The following RETREG1 variants were observed in gnomAD, a reference collection of about 807,000 sequenced individuals.
RETREG1 encodes family with sequence similarity 134 member B.
Under a neutral mutation model 54.8 loss-of-function variants are expected in RETREG1, and 44 were observed. The ratio of observed to expected loss-of-function variants is 0.80; its 90% CI spans 0.63 to 1.03. The LOEUF (loss-of-function observed/expected upper bound fraction) is 1.03. RETREG1 is among the 50% of genes least tolerant of loss of function. The pLI is 0.00. For synonymous variants in RETREG1, 217 were observed against 238.5 expected, an observed-to-expected ratio of 0.91 and a Z score of 0.83; for missense variants, 554 against 605.1, an observed-to-expected ratio of 0.92 and a Z score of 0.89.
intron 1 of RETREG1, among the ~76,000 whole-genome samples, chr5:16,607,759 T>A (rs1743235413): frequency 6.6e-6 from 1 of 152,154 alleles, no homozygotes; most frequent in Non-Finnish European, 1.5e-5. Flanking sequence ...CATGGTCCAA[T>A]AGTAACCTCT....
chr5:16,491,445 A>G (rs1318792877), intron 3 of RETREG1, among the ~76,000 whole-genome samples: 1 of 152,238 alleles, frequency 6.6e-6, no homozygotes, highest in Non-Finnish European at 1.5e-5. Flanking sequence ...GCACATAAAA[A>G]TACTGAATGA....
chr5:16,582,482 G>T (rs1180134612), intron 1 of RETREG1, among the ~76,000 whole-genome samples: 1 of 151,372 alleles, frequency 6.6e-6, no homozygotes, highest in Non-Finnish European at 1.5e-5. Flanking sequence ...TATCCCACTT[G>T]GTATTGACGG....
chr5:16,536,951 A>T (rs1409478365), intron 3 of RETREG1, among the ~76,000 whole-genome samples: 1 of 152,104 alleles, frequency 6.6e-6, no homozygotes, highest in East Asian at 1.9e-4. Context: ...TAGTCCCAGG[A>T]TGTCAAGAGC....
At chr5:16,595,281 C>A (rs1742871614) in intron 1 of RETREG1, among the ~76,000 whole-genome samples, 1 of 151,946 alleles carries the variant, frequency 6.6e-6, no homozygotes, top group African/African-American at 2.4e-5. Context: ...TTTTTTTAAG[C>A]ACCGAGTGCA....
chr5:16,507,975 T>A (rs1349158003), intron 3 of RETREG1, among the ~76,000 whole-genome samples: 2 of 152,226 alleles, frequency 1.3e-5, no homozygotes, highest in African/African-American at 2.4e-5. Flanking sequence ...ATTATGCTCA[T>A]ATGAGCAGGA....
In RETREG1 at chr5:16,487,109, C is replaced by T. The variant is rs111745645; in HGVS notation, c.459-3637G>A. Among the ~76,000 whole-genome samples the T allele has an allele frequency of 6.2e-3, 950 of 152,216 alleles. 15 individuals are homozygous for T. The highest frequency in any genetic ancestry group is 0.021 in the African/African-American group (886 of 41,514). ...ACTGATCACCATGCAACATAAGGCC[C>T]AACTAACATAAAAGGAAATGAAAAT... On this transcript the variant is annotated intron_variant, in intron 3 of 8. Transcript: ENST00000306320.
At chr5:16,522,200 C>T (rs895245680) in intron 3 of RETREG1, among the ~76,000 whole-genome samples, 1 of 151,938 alleles carries the variant, frequency 6.6e-6, no homozygotes, top group Admixed American at 6.6e-5. Context: ...TGAGCAACAC[C>T]CTGATCTTGA....
intron 3 of RETREG1, among the ~76,000 whole-genome samples, chr5:16,547,504 T>C (rs974050981): frequency 1.3e-5 from 2 of 152,186 alleles, no homozygotes; most frequent in African/African-American, 4.8e-5. Context: ...TTGAAAACCA[T>C]GAGTATTAGC....
intron 3 of RETREG1, among the ~76,000 whole-genome samples, chr5:16,527,800 ATTTTTTTT>A (rs386403108): frequency 6.0e-5 from 4 of 66,262 alleles, no homozygotes; most frequent in Non-Finnish European, 8.0e-5. Context: ...AGGGACTCTA[ATTTTTTTT>A]TTTTTTTTTT....
intron 1 of RETREG1, among the ~76,000 whole-genome samples, chr5:16,612,855 T>G (rs1743387469): frequency 6.6e-6 from 1 of 152,208 alleles, no homozygotes; most frequent in Admixed American, 6.5e-5. Flanking sequence ...TTCTTTGTAG[T>G]TTTATCCCCT....
chr5:16,589,579 T>C (rs951263985), intron 1 of RETREG1, among the ~76,000 whole-genome samples: 3 of 152,178 alleles, frequency 2.0e-5, no homozygotes, highest in Non-Finnish European at 4.4e-5. Context: ...TTGGTCAAAC[T>C]GGTCTCAAAC....
At chr5:16,503,680 AAAG>A (rs1357057651) in intron 3 of RETREG1, among the ~76,000 whole-genome samples, 1,248 of 82,466 alleles carry the variant, frequency 0.015, 20 homozygotes, top group African/African-American at 0.055. Flanking sequence ...AAAAAAAAAG[AAAG>A]AAAGAAAGAA....
rs576606889 is a variant in RETREG1, at chr5:16,589,290, G to A, written c.321-17188C>T. On this transcript the variant is annotated intron_variant, in intron 1 of 8. Transcript: ENST00000306320. ...GGTGCGGCAACCCTGACCACACAGG[G>A]AGAAAGATGTTTTCAAAACTTGAGT... Among the ~76,000 whole-genome samples the A allele has an allele frequency of 1.7e-4, 26 of 151,970 alleles. No homozygotes were observed. In the East Asian group the frequency reaches 4.1e-3, roughly 24 times the overall value.
chr5:16,612,273 A>G (rs1188454901), intron 1 of RETREG1, among the ~76,000 whole-genome samples: 5 of 152,218 alleles, frequency 3.3e-5, no homozygotes, highest in African/African-American at 1.2e-4. Context: ...CACATATGAT[A>G]CATTTGACTG....
intron 3 of RETREG1, among the ~76,000 whole-genome samples, chr5:16,545,777 T>A (rs550514096): frequency 8.5e-5 from 13 of 152,216 alleles, no homozygotes; most frequent in Non-Finnish European, 1.2e-4. Flanking sequence ...TAATTCCTCC[T>A]TTGTTGATGC....
intron 1 of RETREG1, among the ~76,000 whole-genome samples, chr5:16,586,355 A>G (rs1365225199): frequency 1.3e-5 from 2 of 152,252 alleles, no homozygotes; most frequent in Non-Finnish European, 2.9e-5. Context: ...TAGCATGGCC[A>G]GTGAGAAACA....
chr5:16,571,011 A>G (rs545582192), intron 2 of RETREG1, among the ~76,000 whole-genome samples: 1 of 151,350 alleles, frequency 6.6e-6, no homozygotes, highest in African/African-American at 2.5e-5. Flanking sequence ...ACCTGGAAAC[A>G]CACGAATATA....
chr5:16,608,294 A>C (rs191585184), intron 1 of RETREG1, among the ~76,000 whole-genome samples: 6 of 152,176 alleles, frequency 3.9e-5, no homozygotes, highest in Middle Eastern at 3.4e-3. Context: ...TCTCATGTGG[A>C]TCCGGCAACC....
chr5:16,519,780 C>G (rs745698858), intron 3 of RETREG1, among the ~76,000 whole-genome samples: 16 of 152,200 alleles, frequency 1.1e-4, no homozygotes, highest in Non-Finnish European at 2.2e-4. Flanking sequence ...TAACAGGCCC[C>G]CTCTCCGTGC....
Sources: allele counts gnomAD v4.1 joint callset (sites outside exome capture counted in the v4.1 genomes callset), GRCh38; gene constraint gnomAD v4.1.1; transcripts MANE v1.5; gene names NCBI Gene and HGNC (gene_info 2026-07-23, HGNC 2026-07-21).